The following ROBO1 variants were observed in gnomAD, a reference collection of about 807,000 sequenced individuals.
The protein encoded by ROBO1 is roundabout guidance receptor 1.
In ROBO1, 149 loss-of-function variants were observed where a neutral mutation model predicts 195.9. That is an observed-to-expected ratio of 0.76 (90% CI 0.67 to 0.87). ROBO1 has a LOEUF of 0.87. Ranked by LOEUF, ROBO1 falls within the 40% of genes least tolerant of loss-of-function variation. ROBO1 has a pLI of 0.00. For synonymous variants in ROBO1, 816 were observed against 733.2 expected, an observed-to-expected ratio of 1.11 and a Z score of -1.82; for missense variants, 1,933 against 2,068.3, an observed-to-expected ratio of 0.93 and a Z score of 1.27.
intron 3 of ROBO1, among the ~76,000 whole-genome samples, chr3:79,068,050 C>A (rs2079031634): frequency 6.6e-6 from 1 of 151,862 alleles, no homozygotes; most frequent in South Asian, 2.1e-4. Context: ...GAGAAAGCAC[C>A]CAAGATTGAA....
intron 2 of ROBO1, among the ~76,000 whole-genome samples, chr3:79,539,267 A>G (rs951199559): frequency 9.2e-5 from 14 of 152,110 alleles, no homozygotes; most frequent in Non-Finnish European, 1.5e-4. Context: ...GTTATGGGAT[A>G]CTCCTTAATA....
chr3:78,704,311 C>T (rs1227523410), intron 8 of ROBO1, among the ~76,000 whole-genome samples: 1 of 152,046 alleles, frequency 6.6e-6, no homozygotes, highest in East Asian at 1.9e-4. Context: ...TCTCTCATTA[C>T]TTATTTTATG....
intron 1 of ROBO1, among the ~76,000 whole-genome samples, chr3:79,621,611 A>G (rs1945012211): frequency 1.3e-5 from 2 of 152,158 alleles, no homozygotes. Flanking sequence ...TTTTATTTTC[A>G]GTCTTTTTCT....
chr3:78,767,548 G>T (rs2083261719), intron 4 of ROBO1, among the ~76,000 whole-genome samples: 1 of 152,190 alleles, frequency 6.6e-6, no homozygotes, highest in African/African-American at 2.4e-5. Context: ...TTACAGGCAT[G>T]AGCCACTGTG....
At chr3:78,914,288 T>G (rs549336191) in intron 4 of ROBO1, among the ~76,000 whole-genome samples, 1 of 152,098 alleles carries the variant, frequency 6.6e-6, no homozygotes, top group Non-Finnish European at 1.5e-5. Flanking sequence ...TGGAAAGAAA[T>G]AGACAGTATA....
intron 2 of ROBO1, among the ~76,000 whole-genome samples, chr3:79,152,235 C>T (rs537572544): frequency 6.6e-6 from 1 of 151,898 alleles, no homozygotes; most frequent in African/African-American, 2.4e-5. Flanking sequence ...AGAAATAGTA[C>T]AGCTGTTTAT....
chr3:79,441,179 T>G (rs2039043040), intron 2 of ROBO1, among the ~76,000 whole-genome samples: 1 of 152,140 alleles, frequency 6.6e-6, no homozygotes, highest in Non-Finnish European at 1.5e-5. Context: ...CATTTATTAG[T>G]AACAGAGAGC....
intron 4 of ROBO1, among the ~76,000 whole-genome samples, chr3:78,799,631 G>A (rs972208048): frequency 1.3e-5 from 2 of 152,044 alleles, no homozygotes; most frequent in African/African-American, 4.8e-5. Context: ...GTGAGCCACC[G>A]CGCCCGGCCC....
intron 3 of ROBO1, among the ~76,000 whole-genome samples, chr3:79,034,467 T>C (rs999452423): frequency 6.6e-6 from 1 of 152,116 alleles, no homozygotes; most frequent in Non-Finnish European, 1.5e-5. Flanking sequence ...ACCATTTGTA[T>C]TAGAATTATA....
At chr3:79,611,571 G>A (rs1174710569) in intron 1 of ROBO1, among the ~76,000 whole-genome samples, 3 of 152,132 alleles carry the variant, frequency 2.0e-5, no homozygotes, top group African/African-American at 7.2e-5. Context: ...AAATGGATGA[G>A]TTCATGTCCT....
chr3:79,085,152 A>G (rs2079344593), intron 3 of ROBO1, among the ~76,000 whole-genome samples: 1 of 152,198 alleles, frequency 6.6e-6, no homozygotes, highest in Non-Finnish European at 1.5e-5. Context: ...CATAAACACT[A>G]GTAATTTAAT....
At chr3:79,281,305 TATTG>T (rs922356142) in intron 2 of ROBO1, among the ~76,000 whole-genome samples, 14 of 148,912 alleles carry the variant, frequency 9.4e-5, no homozygotes, top group East Asian at 1.9e-4. Context: ...TATTCTTATT[TATTG>T]ATTGATTGAT....
intron 26 of ROBO1, among the ~76,000 whole-genome samples, chr3:78,623,743 T>G (rs1348044139): frequency 6.6e-6 from 1 of 152,146 alleles, no homozygotes; most frequent in East Asian, 1.9e-4. Context: ...GAAAGTGCAT[T>G]TATGGCTGGA....
At chr3:78,711,435 CTTT>C (rs1559774016) in intron 8 of ROBO1, among the ~76,000 whole-genome samples, 35 of 114,554 alleles carry the variant, frequency 3.1e-4, no homozygotes, top group African/African-American at 1.2e-3. Flanking sequence ...TTCTTTCTTT[CTTT>C]CTTTCCTTCC....
chr3:78,897,700 C>T lies in ROBO1; in HGVS notation c.499+40901G>A, dbSNP rs906516707. ...TTTAAAAGAAAATTATAAAGGGAAT[C>T]AACATTTATAACATTACTTTTCAAT... On this transcript the variant is annotated intron_variant, in intron 4 of 30. Coordinates refer to ENST00000464233, the MANE Select transcript of ROBO1 (RefSeq NM_002941.4). 9.2e-5 allele frequency among the ~76,000 whole-genome samples: 14 copies of T among 152,046 alleles called. No homozygotes were observed. In the East Asian group the frequency reaches 1.2e-3, roughly 13 times the overall value.
intron 4 of ROBO1, among the ~76,000 whole-genome samples, chr3:78,814,729 C>A (rs1026549508): frequency 6.6e-6 from 1 of 152,052 alleles, no homozygotes; most frequent in Non-Finnish European, 1.5e-5. Flanking sequence ...CTATATTCTA[C>A]CAATTCACGG....
intron 4 of ROBO1, among the ~76,000 whole-genome samples, chr3:78,873,141 G>A (rs1051353875): frequency 2.0e-5 from 3 of 152,096 alleles, no homozygotes; most frequent in South Asian, 4.2e-4. Context: ...AGTCTTGGGG[G>A]AATATTGAAA....
intron 4 of ROBO1, among the ~76,000 whole-genome samples, chr3:78,893,728 T>C (rs2037057661): frequency 6.6e-6 from 1 of 152,156 alleles, no homozygotes; most frequent in African/African-American, 2.4e-5. Context: ...TAAAAAATGA[T>C]GGCTTTTTTT....
intron 2 of ROBO1, among the ~76,000 whole-genome samples, chr3:79,293,982 C>T (rs1373283567): frequency 4.0e-5 from 5 of 126,472 alleles, no homozygotes; most frequent in East Asian, 2.5e-4. Flanking sequence ...GGCGTGAACC[C>T]GGGAGGCGGA....
Sources: gnomAD v4.1 joint callset for allele counts (sites outside exome capture counted in the v4.1 genomes callset) on GRCh38, gnomAD v4.1.1 for gene constraint, MANE v1.5 for transcripts, NCBI Gene and HGNC (gene_info 2026-07-23, HGNC 2026-07-21) for gene names.